The following AGBL4 variants were observed in gnomAD, a reference collection of about 807,000 sequenced individuals.
The protein encoded by AGBL4 is cytosolic carboxypeptidase 6.
Under a neutral mutation model 66.4 loss-of-function variants are expected in AGBL4, and 58 were observed. The observed-to-expected ratio is 0.87, with a 90% CI of 0.71 to 1.09. The LOEUF (loss-of-function observed/expected upper bound fraction) is 1.09, where lower values mean the gene tolerates loss of function less well. Ranked by LOEUF, AGBL4 falls within the 50% of genes least tolerant of loss-of-function variation. AGBL4 has a pLI of 0.00. For missense variants in AGBL4, 579 were observed against 631.0 expected (o/e 0.92, Z 0.88); for synonymous variants, 234 against 222.9 (o/e 1.05, Z -0.44).
At chr1:49,893,168 T>C (rs1343974650) in intron 1 of AGBL4, among the ~76,000 whole-genome samples, 1 of 152,130 alleles carries the variant, frequency 6.6e-6, no homozygotes, top group Admixed American at 6.5e-5. Flanking sequence ...TTGCTTCCAT[T>C]GTTATACCCA....
chr1:49,347,252 C>CTTTTTTTTT (rs35313917), intron 3 of AGBL4, among the ~76,000 whole-genome samples: 1 of 115,866 alleles, frequency 8.6e-6, no homozygotes, highest in East Asian at 2.3e-4. Context: ...TTCTTTCTTT[C>CTTTTTTTTT]TTTTTTTTTT....
At chr1:49,573,490 G>A (rs1192157315) in intron 3 of AGBL4, among the ~76,000 whole-genome samples, 2 of 152,084 alleles carry the variant, frequency 1.3e-5, no homozygotes, top group African/African-American at 4.8e-5. Context: ...TAATACCTTT[G>A]ACCATATGTG....
chr1:49,756,927 G>A (rs575141275), intron 2 of AGBL4, among the ~76,000 whole-genome samples: 118 of 152,276 alleles, frequency 7.7e-4, no homozygotes, highest in African/African-American at 2.6e-3. Flanking sequence ...ATACGGTAAA[G>A]TGGGACATGA....
chr1:49,586,289 G>C (rs1304261148), intron 3 of AGBL4, among the ~76,000 whole-genome samples: 1 of 152,120 alleles, frequency 6.6e-6, no homozygotes, highest in Non-Finnish European at 1.5e-5. Flanking sequence ...TAATTTGCTG[G>C]ATTCAAAGCA....
intron 4 of AGBL4, among the ~76,000 whole-genome samples, chr1:49,128,121 T>C (rs1388111235): frequency 1.3e-5 from 2 of 151,524 alleles, no homozygotes; most frequent in Non-Finnish European, 2.9e-5. Flanking sequence ...AAGAAAGATA[T>C]AAAAAAGAAT....
intron 9 of AGBL4, among the ~76,000 whole-genome samples, chr1:48,618,691 C>A (rs1447347575): frequency 6.6e-6 from 1 of 152,168 alleles, no homozygotes; most frequent in African/African-American, 2.4e-5. Context: ...GAACAGGAGA[C>A]ATCCTAAGGT....
rs954572620 is a variant in AGBL4 at position 49,068,263 on chromosome 1, G to A, written c.378-22463C>T. ...TTTCTTTTTTTATTATAAGTTCTGG[G>A]GTACATGTGCACAACGTGCAGGTTT... On this transcript the variant is annotated intron_variant, in intron 4 of 13. Transcript: ENST00000371839. Among the ~76,000 whole-genome samples, 3 of 150,748 alleles carry A rather than the reference G, an allele frequency of 2.0e-5. No individual in the cohort carries two copies. The South Asian group carries it at 6.3e-4, about 32-fold the overall frequency.
At chr1:49,675,997 T>C (rs1423214167) in intron 3 of AGBL4, among the ~76,000 whole-genome samples, 1 of 152,050 alleles carries the variant, frequency 6.6e-6, no homozygotes, top group African/African-American at 2.4e-5. Flanking sequence ...AATTATAGCT[T>C]TGGCTGGTTT....
chr1:49,727,367 C>A (rs1649110347), intron 2 of AGBL4, among the ~76,000 whole-genome samples: 1 of 151,876 alleles, frequency 6.6e-6, no homozygotes, highest in South Asian at 2.1e-4. Context: ...AAGTGCATAA[C>A]AATAGCAATT....
chr1:50,009,699 A>G (rs1049575977), intron 1 of AGBL4, among the ~76,000 whole-genome samples: 4 of 152,074 alleles, frequency 2.6e-5, no homozygotes, highest in African/African-American at 9.7e-5. Flanking sequence ...GGGCATCCAA[A>G]TTGTAAAGGA....
At chr1:49,233,302 A>T (rs1650470094) in intron 4 of AGBL4, among the ~76,000 whole-genome samples, 1 of 152,262 alleles carries the variant, frequency 6.6e-6, no homozygotes, top group Admixed American at 6.5e-5. Flanking sequence ...TTTAATTATC[A>T]TGCTTAAAAG....
chr1:48,887,205 G>A (rs576067506), intron 5 of AGBL4, among the ~76,000 whole-genome samples: 33 of 152,276 alleles, frequency 2.2e-4, no homozygotes, highest in African/African-American at 4.6e-4. Flanking sequence ...CCAGTATGAC[G>A]AGGGCATAGA....
intron 3 of AGBL4, among the ~76,000 whole-genome samples, chr1:49,354,244 A>C (rs191875450): frequency 5.1e-4 from 77 of 152,358 alleles, no homozygotes; most frequent in Non-Finnish European, 7.4e-5. Flanking sequence ...ATGAGCCACA[A>C]CATTGTCGCA....
chr1:49,504,787 T>C (rs1179206242), intron 3 of AGBL4, among the ~76,000 whole-genome samples: 5 of 152,116 alleles, frequency 3.3e-5, no homozygotes, highest in African/African-American at 1.2e-4. Context: ...TGCTTTCATT[T>C]ATCTATTCCA....
At chr1:49,784,796 TA>T (rs545018884) in intron 2 of AGBL4, among the ~76,000 whole-genome samples, 124 of 151,550 alleles carry the variant, frequency 8.2e-4, no homozygotes, top group African/African-American at 2.8e-3. Context: ...AATGACCCAA[TA>T]AAAAATAAAA....
chr1:49,519,117 G>T (rs1227051215), intron 3 of AGBL4, among the ~76,000 whole-genome samples: 1 of 152,056 alleles, frequency 6.6e-6, no homozygotes, highest in African/African-American at 2.4e-5. Flanking sequence ...CTTTGAAGTT[G>T]GAGAAAGGCA....
chr1:48,661,255 G>A (rs952295721), intron 7 of AGBL4, among the ~76,000 whole-genome samples: 4 of 152,208 alleles, frequency 2.6e-5, no homozygotes, highest in African/African-American at 9.6e-5. Context: ...GGCCAGGGAG[G>A]CCCACAGTGG....
At chr1:49,305,727 G>A (rs1192215204) in intron 3 of AGBL4, among the ~76,000 whole-genome samples, 2 of 144,614 alleles carry the variant, frequency 1.4e-5, no homozygotes, top group African/African-American at 2.6e-5. Context: ...TTTTGCTCTT[G>A]TTGCCCAGGC....
intron 2 of AGBL4, among the ~76,000 whole-genome samples, chr1:49,799,336 C>T (rs1644804030): frequency 6.6e-6 from 1 of 152,030 alleles, no homozygotes; most frequent in Non-Finnish European, 1.5e-5. Context: ...TTCCAAAATA[C>T]GTAAATTTCA....
Sources: allele counts gnomAD v4.1 joint callset (sites outside exome capture counted in the v4.1 genomes callset), GRCh38; gene constraint gnomAD v4.1.1; transcripts MANE v1.5; gene names NCBI Gene and HGNC (gene_info 2026-07-23, HGNC 2026-07-21).